Variants in ADRA1B observed in about 807,000 individuals in gnomAD.
ADRA1B encodes the protein alpha-1B adrenergic receptor.
Under a neutral mutation model 17.9 loss-of-function variants are expected in ADRA1B, and 17 were observed. The observed-to-expected ratio is 0.95, with a 90% CI of 0.65 to 1.42. ADRA1B has a LOEUF of 1.42. Among genes scored for constraint, ADRA1B ranks in the 40% most tolerant of loss-of-function variants. The pLI, the probability that ADRA1B is intolerant of heterozygous loss-of-function variation, is 0.00. For missense variants in ADRA1B, 681 were observed against 722.1 expected (o/e 0.94, Z 0.65); for synonymous variants, 366 against 327.6 (o/e 1.12, Z -1.27).
At position 159,892,811 on chromosome 5, in the gene ADRA1B, T is replaced by C. The variant is rs535603782; in HGVS notation, c.-255-23308T>C. Among the ~76,000 whole-genome samples, 38 of 152,248 alleles carry C rather than the reference T, an allele frequency of 2.5e-4. 1 individual carries two copies. Among genetic ancestry groups the C allele is most frequent in the African/African-American group, 8.7e-4 (36 of 41,464 alleles). On this transcript the variant is annotated intron_variant, in intron 1 of 2. Transcript: ENST00000641205. ...AGTGAACATATGCATGCATGTATGT[T>C]TATAATAGAATGATTTCTATTCCTT...
At position 159,917,765 on chromosome 5, in the gene ADRA1B, C is replaced by G. The variant is rs574447886; in HGVS notation, c.860C>G (p.Ser287Cys). The change falls in exon 1 of 2, where the codon TCC (serine) becomes TGC (cysteine). Residue 287 changes from serine (S) to cysteine (C), a missense_variant. Physicochemically the swap from Ser to Cys is moderately radical, Grantham distance 112. This residue lies in a region of ADRA1B where 424 missense variants were observed against 480.2 expected (regional missense o/e 0.88). Coordinates refer to ENST00000306675, the MANE Select transcript of ADRA1B (RefSeq NM_000679.4). ...ATAGCTGTCAAACTTTTTAAGTTCT[C>G]CAGGGAAAAGAAAGCAGCTAAGACG... is the stretch of plus-strand genomic sequence containing the variant. The part of the protein sequence containing the change: ...SSIAVKLFKF[S>C]REKKAAKTLG... 6.2e-7 allele frequency: 1 copy of G among 1,614,108 alleles called. No homozygotes were observed. Among genetic ancestry groups the G allele is most frequent in the Admixed American group, 1.7e-5 (1 of 60,020 alleles).
chr5:159,930,604 A>G (rs1248656560), intron 1 of ADRA1B, among the ~76,000 whole-genome samples: 1 of 152,236 alleles, frequency 6.6e-6, no homozygotes, highest in East Asian at 1.9e-4. Context: ...AACAAAAAAA[A>G]TAGGTTAGAT....
intron 1 of ADRA1B, among the ~76,000 whole-genome samples, chr5:159,939,278 A>AGAGTGT (rs1417832136): frequency 1.2e-4 from 12 of 98,366 alleles, no homozygotes; most frequent in African/African-American, 4.2e-4. Flanking sequence ...AGAGAGAGAG[A>AGAGTGT]GTGTGTGTGT....
intron 1 of ADRA1B, among the ~76,000 whole-genome samples, chr5:159,952,357 A>G (rs940805185): frequency 1.9e-4 from 29 of 152,370 alleles, no homozygotes; most frequent in African/African-American, 6.7e-4. Flanking sequence ...AATAAAAGCT[A>G]TCTGAACGTG....
rs76272300 is a variant in ADRA1B at position 159,947,381 on chromosome 5, G to C, written c.950-24498G>C. ...AGAAAAGAAAACCATGGCTCAGAAA[G>C]GTAAAATAATTGACCCAAGTTCTCA... On this transcript the variant is annotated intron_variant, in intron 1 of 1. Transcript: ENST00000306675. Among the ~76,000 whole-genome samples the C allele has an allele frequency of 2.6e-5, 4 of 151,974 alleles. No individual in the cohort carries two copies. The East Asian group carries it at 7.7e-4, about 29-fold the overall frequency.
At chr5:159,977,639 G>A (rs778311939), downstream of ADRA1B, among the ~76,000 whole-genome samples, 102 of 152,272 alleles carry the variant, frequency 6.7e-4, 3 homozygotes, top group Non-Finnish European at 3.5e-4. Flanking sequence ...TTAGCTTCCC[G>A]TTGACAGCCA....
At chr5:159,962,592 A>C (rs1232241255) in intron 1 of ADRA1B, among the ~76,000 whole-genome samples, 1 of 152,124 alleles carries the variant, frequency 6.6e-6, no homozygotes, top group African/African-American at 2.4e-5. Context: ...TCAGGATTAA[A>C]TGAAACAGGA....
chr5:159,907,009 G>T (rs1194500685), intron 1 of ADRA1B, among the ~76,000 whole-genome samples: 1 of 152,104 alleles, frequency 6.6e-6, no homozygotes, highest in Non-Finnish European at 1.5e-5. Flanking sequence ...GCCCTTCTAG[G>T]GTATGAATGG....
chr5:159,911,344 G>C (rs1037791162), intron 1 of ADRA1B, among the ~76,000 whole-genome samples: 4 of 152,210 alleles, frequency 2.6e-5, no homozygotes, highest in Non-Finnish European at 5.9e-5. Context: ...AGGCATAAGA[G>C]AGAATGGATC....
chr5:159,976,688 C>T (rs374456984), downstream of ADRA1B, among the ~76,000 whole-genome samples: 50 of 151,504 alleles, frequency 3.3e-4, 1 homozygote, highest in African/African-American at 1.1e-3. Context: ...CATGAAGACG[C>T]GTTACTTAAA....
intron 1 of ADRA1B, among the ~76,000 whole-genome samples, chr5:159,956,133 C>T (rs1755546691): frequency 6.6e-6 from 1 of 152,072 alleles, no homozygotes; most frequent in African/African-American, 2.4e-5. Context: ...CCCAGCTACT[C>T]AGAAGACTGA....
At chr5:159,902,747 AAG>A (rs1754116726) in intron 1 of ADRA1B, among the ~76,000 whole-genome samples, 2 of 152,256 alleles carry the variant, frequency 1.3e-5, no homozygotes, top group Non-Finnish European at 2.9e-5. Context: ...GAACAAATGA[AAG>A]AGTGGATGTA....
chr5:159,916,791 G>A lies in ADRA1B; in HGVS notation c.-115G>A. 1 of 1,032,668 alleles carries A rather than the reference G, an allele frequency of 9.7e-7. No homozygotes were observed. The highest frequency in any genetic ancestry group is 1.4e-6 in the Non-Finnish European group (1 of 714,470). The allele number at this position is 1,032,668 out of a possible 1,614,324, so 64.0% of individuals were successfully genotyped here. A position where few individuals can be genotyped will look rare whatever the true frequency, so the allele number is the denominator to read the frequency against. On this transcript the variant is annotated 5_prime_UTR_variant, in exon 1 of 2. Coordinates refer to ENST00000306675, the MANE Select transcript of ADRA1B (RefSeq NM_000679.4). ...GGGGGAGATGACTCCTCGCCAGGAGGGCGCCTCTGGGAAGAAGACCACGGG... is the reference window on the plus strand; with the variant it reads ...GGGGGAGATGACTCCTCGCCAGGAGAGCGCCTCTGGGAAGAAGACCACGGG...
downstream of ADRA1B, among the ~76,000 whole-genome samples, chr5:159,975,937 C>A (rs1229570708): frequency 1.3e-5 from 2 of 152,176 alleles, no homozygotes; most frequent in African/African-American, 4.8e-5. Context: ...AATCTGCCAA[C>A]CCCAGTCAAG....
intron 1 of ADRA1B, among the ~76,000 whole-genome samples, chr5:159,961,536 G>C (rs1222192100): frequency 6.6e-6 from 1 of 152,228 alleles, no homozygotes; most frequent in African/African-American, 2.4e-5. Context: ...AGCTGGTGCT[G>C]ACAGAAGCAG....
In ADRA1B at chr5:159,917,439, C is replaced by G; in HGVS notation, c.534C>G (p.Ile178Met). Reference protein sequence around the residue: ...SVWVLSTVISIGPLLGWKEPA... With the variant: ...SVWVLSTVISMGPLLGWKEPA... Reference sequence around the variant, plus strand: ...GGGTCTTGTCCACCGTCATCTCCATCGGGCCTCTCCTTGGGTGGAAGGAGC... The same window carrying G: ...GGGTCTTGTCCACCGTCATCTCCATGGGGCCTCTCCTTGGGTGGAAGGAGC... The change falls in exon 1 of 2, where the codon ATC (isoleucine) becomes ATG (methionine). Residue 178 changes from isoleucine to methionine, a missense_variant. By Grantham distance (10) the Ile-to-Met change is conservative. Coordinates refer to ENST00000306675, the MANE Select transcript of ADRA1B (RefSeq NM_000679.4). 1 of 1,614,146 alleles carries G rather than the reference C, an allele frequency of 6.2e-7. No homozygotes were observed. Among genetic ancestry groups the G allele is most frequent in the Non-Finnish European group, 8.5e-7 (1 of 1,180,032 alleles).
intron 1 of ADRA1B, among the ~76,000 whole-genome samples, chr5:159,968,004 A>G (rs1213543805): frequency 6.6e-6 from 1 of 152,184 alleles, no homozygotes; most frequent in Non-Finnish European, 1.5e-5. Flanking sequence ...CTAATGCTAC[A>G]TGTGTTCTGT....
intron 1 of ADRA1B, among the ~76,000 whole-genome samples, chr5:159,936,700 G>A (rs187130546): frequency 4.7e-4 from 72 of 152,054 alleles, no homozygotes; most frequent in Middle Eastern, 3.4e-3. Context: ...AGGAACTGGC[G>A]TGGCTGTAAA....
At chr5:159,940,063 T>A (rs1160758470) in intron 1 of ADRA1B, among the ~76,000 whole-genome samples, 2 of 152,142 alleles carry the variant, frequency 1.3e-5, no homozygotes, top group Non-Finnish European at 1.5e-5. Context: ...GTGAATGAAA[T>A]CTGATCAGAG....
Sources: allele counts gnomAD v4.1 joint callset (sites outside exome capture counted in the v4.1 genomes callset), GRCh38; gene constraint gnomAD v4.1.1; regional missense constraint gnomAD v4.1.1; transcripts MANE v1.5; gene names NCBI Gene and HGNC (gene_info 2026-07-23, HGNC 2026-07-21).